PEX5L: variants seen among roughly 807,000 people sequenced by gnomAD.
PEX5L encodes PEX5-related protein.
In PEX5L, 30 loss-of-function variants were observed where a neutral mutation model predicts 84.0. The observed-to-expected ratio is 0.36, with a 90% confidence interval of 0.27 to 0.48. PEX5L has a LOEUF of 0.48. Ranked by LOEUF, PEX5L falls within the 20% of genes least tolerant of loss-of-function variation. PEX5L has a pLI of 0.99. For missense variants in PEX5L, 533 were observed against 754.6 expected (o/e 0.71, Z 3.44); for synonymous variants, 270 against 283.1 (o/e 0.95, Z 0.46).
At chr3:179,976,494 G>A (rs890126766) in intron 1 of PEX5L, among the ~76,000 whole-genome samples, 4 of 152,068 alleles carry the variant, frequency 2.6e-5, no homozygotes, top group East Asian at 1.9e-4. Context: ...CTGGAGTTCC[G>A]TGATGTGATT....
At chr3:180,002,282 A>AT (rs1405435879) in intron 1 of PEX5L, among the ~76,000 whole-genome samples, 2 of 152,062 alleles carry the variant, frequency 1.3e-5, no homozygotes, top group African/African-American at 4.8e-5. Context: ...AGAAGAGTGT[A>AT]TTTTTTATTT....
At chr3:179,890,127 C>T (rs1757161911) in intron 3 of PEX5L, among the ~76,000 whole-genome samples, 1 of 152,176 alleles carries the variant, frequency 6.6e-6, no homozygotes, top group African/African-American at 2.4e-5. Context: ...CTCTTTTAAC[C>T]ATATGTGCTT....
chr3:179,975,677 T>A (rs1467722368), intron 1 of PEX5L, among the ~76,000 whole-genome samples: 1 of 152,234 alleles, frequency 6.6e-6, no homozygotes, highest in Non-Finnish European at 1.5e-5. Context: ...ACCTTCTTAC[T>A]GTTTTCTTCA....
At chr3:179,979,825 T>C (rs112091466) in intron 1 of PEX5L, among the ~76,000 whole-genome samples, 321 of 152,348 alleles carry the variant, frequency 2.1e-3, no homozygotes, top group Non-Finnish European at 3.7e-3. Context: ...TTGGCCCTAT[T>C]AGATGGGGAT....
At chr3:179,865,390 C>A (rs1023267422) in intron 7 of PEX5L, among the ~76,000 whole-genome samples, 1 of 151,944 alleles carries the variant, frequency 6.6e-6, no homozygotes, top group Non-Finnish European at 1.5e-5. Context: ...GATTAGTATG[C>A]GGTTAAAGAT....
rs1356793721 is a variant in PEX5L, at chr3:179,819,985, C to T, written c.823-9G>A. 4.3e-6 allele frequency: 7 copies of T among 1,612,498 alleles called. No homozygotes were observed. The highest frequency in any genetic ancestry group is 5.9e-6 in the Non-Finnish European group (7 of 1,178,926). On this transcript the variant is annotated splice_polypyrimidine_tract_variant and intron_variant, in intron 8 of 14. Coordinates refer to ENST00000467460, the MANE Select transcript of PEX5L (RefSeq NM_016559.3). ...CAAAACTCTGTATCTGACTGGGAGACAGGAAAAATGAATGGAGATGGATTT... is the reference window on the plus strand; with the variant it reads ...CAAAACTCTGTATCTGACTGGGAGATAGGAAAAATGAATGGAGATGGATTT...
chr3:179,952,735 G>T (rs1181240078), intron 2 of PEX5L, among the ~76,000 whole-genome samples: 2 of 152,060 alleles, frequency 1.3e-5, no homozygotes, highest in African/African-American at 4.8e-5. Flanking sequence ...TTTCTTCACA[G>T]AATTAGAAAA....
intron 4 of PEX5L, among the ~76,000 whole-genome samples, chr3:179,880,343 A>C (rs1753788997): frequency 1.3e-5 from 2 of 152,216 alleles, no homozygotes; most frequent in African/African-American, 4.8e-5. Context: ...GAAAGGACTT[A>C]GACCAGCCTC....
chr3:180,012,316 A>G lies in PEX5L; in HGVS notation c.21+24263T>C, dbSNP rs1789560362. Among the ~76,000 whole-genome samples the G allele has an allele frequency of 2.6e-5, 4 of 152,198 alleles. No homozygotes were observed. In the South Asian group the frequency reaches 6.2e-4, roughly 24 times the overall value. On this transcript the variant is annotated intron_variant, in intron 1 of 14. Transcript: ENST00000467460. ...TAACGCTGTCTGTCAACCATGATCT[A>G]TTTAGGGTTATTTGAAGACTAGCAT...
At chr3:179,893,017 CTT>C (rs1312969313) in intron 3 of PEX5L, among the ~76,000 whole-genome samples, 1 of 152,186 alleles carries the variant, frequency 6.6e-6, no homozygotes, top group South Asian at 2.1e-4. Context: ...AAGGAAAACT[CTT>C]TTGTTTAGAA....
chr3:179,907,133 T>C (rs1578290784), intron 2 of PEX5L, among the ~76,000 whole-genome samples: 1 of 152,162 alleles, frequency 6.6e-6, no homozygotes, highest in Non-Finnish European at 1.5e-5. Context: ...TGATTACCTT[T>C]GGAATTCTTT....
intron 8 of PEX5L, among the ~76,000 whole-genome samples, chr3:179,845,376 T>C (rs947142241): frequency 1.3e-5 from 2 of 152,224 alleles, no homozygotes; most frequent in African/African-American, 2.4e-5. Context: ...ATGTATGGTA[T>C]GAATACTTTC....
At chr3:179,948,886 C>T (rs1040148369) in intron 2 of PEX5L, among the ~76,000 whole-genome samples, 1 of 152,192 alleles carries the variant, frequency 6.6e-6, no homozygotes, top group Non-Finnish European at 1.5e-5. Context: ...TTTTTTAGAG[C>T]ATTTTTGCTG....
At chr3:179,931,336 C>A (rs1202415685) in intron 2 of PEX5L, among the ~76,000 whole-genome samples, 2 of 152,156 alleles carry the variant, frequency 1.3e-5, no homozygotes, top group Non-Finnish European at 2.9e-5. Context: ...CAATCCATTC[C>A]ATTTTTTTTG....
intron 8 of PEX5L, among the ~76,000 whole-genome samples, chr3:179,826,445 CA>C (rs1490841426): frequency 1.3e-5 from 2 of 152,044 alleles, no homozygotes; most frequent in Admixed American, 6.5e-5. Context: ...TTTGCCTTCA[CA>C]AAAAAAGAAC....
chr3:179,813,478 T>C (rs985331731), intron 10 of PEX5L, among the ~76,000 whole-genome samples: 1 of 152,168 alleles, frequency 6.6e-6, no homozygotes. Flanking sequence ...TAATTTCCTC[T>C]TCTACAACGA....
intron 2 of PEX5L, among the ~76,000 whole-genome samples, chr3:179,938,722 T>G (rs1775281263): frequency 6.6e-6 from 1 of 152,206 alleles, no homozygotes; most frequent in South Asian, 2.1e-4. Context: ...AACCTGTAAA[T>G]TCCTTTCTTA....
At chr3:179,890,676 AAAACAAAC>A (rs1038254471) in intron 3 of PEX5L, among the ~76,000 whole-genome samples, 3 of 152,172 alleles carry the variant, frequency 2.0e-5, no homozygotes, top group African/African-American at 7.2e-5. Context: ...CCTTAGTAAA[AAAACAAAC>A]AAACAAAAAA....
chr3:179,814,085 T>C (rs909416953), intron 10 of PEX5L, among the ~76,000 whole-genome samples: 2 of 151,638 alleles, frequency 1.3e-5, no homozygotes, highest in Non-Finnish European at 2.9e-5. Flanking sequence ...CCTCCCAAAG[T>C]GCTGAGATTA....
Sources: gnomAD v4.1 joint callset for allele counts (sites outside exome capture counted in the v4.1 genomes callset) on GRCh38, gnomAD v4.1.1 for gene constraint, MANE v1.5 for transcripts, NCBI Gene and HGNC (gene_info 2026-07-23, HGNC 2026-07-21) for gene names.